NKX1-1: variants seen among roughly 807,000 people sequenced by gnomAD.
NKX1-1 encodes NK1 homeobox 1.
A neutral mutation model predicts 1.7 loss-of-function variants in NKX1-1; 7 were observed. The observed-to-expected ratio is 4.22, with a 90% CI of 2.40 to 7.92. The LOEUF (loss-of-function observed/expected upper bound fraction) is 7.92. Among genes scored for constraint, NKX1-1 ranks in the 30% most tolerant of loss-of-function variants. NKX1-1 has a pLI of 0.00. For synonymous variants in NKX1-1, 242 were observed against 85.3 expected, an observed-to-expected ratio of 2.84 and a Z score of -10.13; for missense variants, 453 against 171.5, an observed-to-expected ratio of 2.64 and a Z score of -9.17.
rs532356178 is a variant in NKX1-1, at chr4:1,403,786, C to A, written c.493G>T (p.Ala165Ser). The A allele has an allele frequency of 9.6e-3, 6,550 of 679,924 alleles. 47 individuals carry two copies. Among genetic ancestry groups the A allele is most frequent in the Non-Finnish European group, 0.014 (5,185 of 374,914 alleles). 42.1% of individuals were successfully genotyped at this position (679,924 alleles called of 1,614,324 possible). A position where few individuals can be genotyped will look rare whatever the true frequency, so the allele number is the denominator to read the frequency against. The change falls in exon 2 of 2, where the codon GCC (alanine) becomes TCC (serine). Residue 165 changes from alanine to serine, a missense_variant. By Grantham distance (99) the Ala-to-Ser change is moderately conservative. Transcript: ENST00000422806. Reference protein sequence around the residue: ...NAGDPFKAGEAETNDTNGYSS... With the variant: ...NAGDPFKAGESETNDTNGYSS... ...TAGCCGTTGGTGTCGTTGGTCTCGG[C>A]CTCCCCTGCCTTGAAGGGGTCGCCG...
chr4:1,405,850 G>C (rs573617758), intron 1 of NKX1-1, 130 bp downstream of exon 1: 6 of 396,540 alleles, frequency 1.5e-5, no homozygotes, highest in Non-Finnish European at 2.7e-5. Flanking sequence ...CGGACCCGGC[G>C]CTCAGCGAAC....
chr4:1,405,118 CCGACCCGG>C (rs1720727159), intron 1 of NKX1-1, among the ~76,000 whole-genome samples: 1 of 152,218 alleles, frequency 6.6e-6, no homozygotes, highest in South Asian at 2.1e-4. Context: ...TCCATCTCGG[CCGACCCGG>C]AAGAGGCCCC....
rs1443369111 is a variant in NKX1-1 at position 1,403,609 on chromosome 4, C to G, written c.670G>C (p.Gly224Arg). The G allele has an allele frequency of 6.2e-6, 3 of 484,586 alleles. No individual in the cohort carries two copies. The highest frequency in any genetic ancestry group is 1.1e-5 in the Non-Finnish European group (3 of 281,522). The allele number at this position is 484,586 out of a possible 1,614,324, so 30.0% of individuals were successfully genotyped here. A position where few individuals can be genotyped will look rare whatever the true frequency, so the allele number is the denominator to read the frequency against. ...RGGGGGLGAR[G>R]SGCQGAAETD... ...TCAGCCGCGCCCTGGCAACCCGACC[C>G]GCGGGCCCCGAGGCCGCCGCCGCCT... is the stretch of plus-strand genomic sequence containing the variant. The change falls in exon 2 of 2, where the codon GGG becomes CGG. Residue 224 changes from glycine to arginine, a missense_variant. By Grantham distance (125) the Gly-to-Arg change is moderately radical (BLOSUM62 -2). Transcript: ENST00000422806.
Position 1,403,102 on chromosome 4 carries a change from T to C in NKX1-1, c.1177A>G (p.Met393Val). 1 of 439,060 alleles carries C rather than the reference T, an allele frequency of 2.3e-6. No homozygotes were observed. The highest frequency in any genetic ancestry group is 4.0e-6 in the Non-Finnish European group (1 of 252,632). 27.2% of individuals were successfully genotyped at this position (439,060 alleles called of 1,614,324 possible). Residue 393 changes from methionine (M) to valine (V), a missense_variant, in exon 2 of 2, where the codon ATG becomes GTG. Met to Val is a conservative substitution (Grantham distance 21). Coordinates refer to ENST00000422806, the MANE Select transcript of NKX1-1 (RefSeq NM_001290079.1). The stretch of plus-strand genomic sequence containing the variant: ...CCGTGCATGCCGAGCGGGGCGCCCA[T>C]GGGCGGCGAGGGGCTGAGCGGGCTG... Reference protein sequence around the residue: ...GLSPLSPSPPMGAPLGMHGPA... With the variant: ...GLSPLSPSPPVGAPLGMHGPA...
At position 1,406,359 on chromosome 4, in the gene NKX1-1, G is replaced by T. The variant is rs1720751808; in HGVS notation, c.84C>A (p.Pro28=). The T allele has an allele frequency of 8.1e-6, 3 of 370,468 alleles. No homozygotes were observed. The highest frequency in any genetic ancestry group is 1.4e-5 in the Non-Finnish European group (3 of 209,188). The allele number at this position is 370,468 out of a possible 1,614,324, so 22.9% of individuals were successfully genotyped here. A position where few individuals can be genotyped will look rare whatever the true frequency, so the allele number is the denominator to read the frequency against. ...PPQPGSGPAP[P]APAAAAQEAM... ...CTTCCTGGGCAGCGGCGGCGGGAGC[G>T]GGCGGTGCGGGCCCCGAACCTGGCT... The change falls in exon 1 of 2, where the codon CCC becomes CCA. Residue 28 remains proline, a synonymous_variant. Coordinates refer to ENST00000422806, the MANE Select transcript of NKX1-1 (RefSeq NM_001290079.1).
chr4:1,405,116 G>C (rs997058003), intron 1 of NKX1-1, among the ~76,000 whole-genome samples: 5 of 152,196 alleles, frequency 3.3e-5, no homozygotes, highest in Admixed American at 6.5e-5. Context: ...CCTCCATCTC[G>C]GCCGACCCGG....
At position 1,403,040 on chromosome 4, in the gene NKX1-1, C is replaced by T. The variant is rs1484672574; in HGVS notation, c.1239G>A (p.Leu413=). 6 of 589,028 alleles carry T rather than the reference C, an allele frequency of 1.0e-5. No homozygotes were observed. The highest frequency in any genetic ancestry group is 3.1e-5 in the Admixed American group (1 of 32,546). The allele number at this position is 589,028 out of a possible 1,614,324, so 36.5% of individuals were successfully genotyped here. Residue 413 remains leucine, a synonymous_variant, in exon 2 of 2, where the codon CTG becomes CTA. Transcript: ENST00000422806. ...GGAACGGCAGCTGCGCGGCGCACAC[C>T]AGGCCTCCGGGGCCGTGCGCCGGGT... The part of the protein sequence containing the change: ...AGYPAHGPGG[L]VCAAQLPFLS...
intron 1 of NKX1-1, among the ~76,000 whole-genome samples, chr4:1,404,569 G>T (rs1294222302): frequency 6.6e-6 from 1 of 152,200 alleles, no homozygotes; most frequent in African/African-American, 2.4e-5. Flanking sequence ...CTAAAGGCCC[G>T]GTCGGCCGAG....
In NKX1-1 at chr4:1,406,293, A is replaced by T; in HGVS notation, c.150T>A (p.Ala50=). 2.5e-6 allele frequency: 1 copy of T among 405,154 alleles called. No individual in the cohort carries two copies. Among genetic ancestry groups the T allele is most frequent in the Non-Finnish European group, 4.3e-6 (1 of 232,280 alleles). The allele number at this position is 405,154 out of a possible 1,614,324, so 25.1% of individuals were successfully genotyped here. Residue 50 remains alanine (A), a synonymous_variant, in exon 1 of 2, where the codon GCT becomes GCA. Transcript: ENST00000422806. ...GRAELPAFPR[A]GAPPLAASDT... is the part of the protein sequence containing the mutation. ...CGCTGGCCGCGAGCGGCGGGGCTCC[A>T]GCGCGGGGAAAGGCCGGCAGCTCGG... is the stretch of plus-strand genomic sequence containing the variant.
Position 1,403,122 on chromosome 4 carries a change from G to T in NKX1-1, c.1157C>A (p.Pro386Gln). 1 of 435,434 alleles carries T rather than the reference G, an allele frequency of 2.3e-6. No individual in the cohort carries two copies. Among genetic ancestry groups the T allele is most frequent in the East Asian group, 3.7e-5 (1 of 27,122 alleles). The allele number at this position is 435,434 out of a possible 1,614,324, so 27.0% of individuals were successfully genotyped here. A position where few individuals can be genotyped will look rare whatever the true frequency, so the allele number is the denominator to read the frequency against. The change falls in exon 2 of 2, where the codon CCG (proline) becomes CAG (glutamine). Residue 386 changes from proline to glutamine, a missense_variant. Pro to Gln is a moderately conservative substitution (Grantham distance 76). Transcript: ENST00000422806. ...PGTGLPGGLS[P>Q]LSPSPPMGAP... Reference sequence around the variant, plus strand: ...GCCCATGGGCGGCGAGGGGCTGAGCGGGCTGAGGCCGCCGGGCAGCCCCGT... The same window carrying T: ...GCCCATGGGCGGCGAGGGGCTGAGCTGGCTGAGGCCGCCGGGCAGCCCCGT...
chr4:1,403,256 C>A lies in NKX1-1; in HGVS notation c.1023G>T (p.Lys341Asn), dbSNP rs1439954966. The A allele has an allele frequency of 1.4e-6, 1 of 737,336 alleles. No homozygotes were observed. 45.7% of individuals were successfully genotyped at this position (737,336 alleles called of 1,614,324 possible). A position where few individuals can be genotyped will look rare whatever the true frequency, so the allele number is the denominator to read the frequency against. The change falls in exon 2 of 2, where the codon AAG (lysine) becomes AAT (asparagine). Residue 341 changes from lysine to asparagine, a missense_variant. By Grantham distance (94) the Lys-to-Asn change is moderately conservative (BLOSUM62 0). Transcript: ENST00000422806. ...LSLSLTETQVKIWFQNRRTKW... is the reference protein window; with the variant it reads ...LSLSLTETQVNIWFQNRRTKW... ...TGGTTCGGCGGTTCTGGAACCAGATCTTCACCTGCGTCTCGGTGAGGCTGA... is the reference window on the plus strand; with the variant it reads ...TGGTTCGGCGGTTCTGGAACCAGATATTCACCTGCGTCTCGGTGAGGCTGA...
rs1720753058 is a variant in NKX1-1, at chr4:1,406,404, G to A, written c.39C>T (p.Pro13=). 5.7e-6 allele frequency: 2 copies of A among 350,694 alleles called. No individual in the cohort carries two copies. Among genetic ancestry groups the A allele is most frequent in the East Asian group, 4.3e-5 (1 of 23,272 alleles). The allele number at this position is 350,694 out of a possible 1,614,324, so 21.7% of individuals were successfully genotyped here. The part of the protein sequence containing the change: ...ASGPEAPGDI[P]ALPPPPQPGS... ...CTGGCTGGGGAGGCGGCGGTAGCGCGGGAATGTCCCCAGGAGCCTCGGGGC... is the reference window on the plus strand; with the variant it reads ...CTGGCTGGGGAGGCGGCGGTAGCGCAGGAATGTCCCCAGGAGCCTCGGGGC... Residue 13 remains proline (P), a synonymous_variant, in exon 1 of 2, where the codon CCC becomes CCT. Coordinates refer to ENST00000422806, the MANE Select transcript of NKX1-1 (RefSeq NM_001290079.1).
rs1270737228 is a variant in NKX1-1 at position 1,406,085 on chromosome 4, C to T, written c.358G>A (p.Ala120Thr). The part of the protein sequence containing the change: ...ACAPCASAPC[A>T]PAPAASGRPP... ...CGTCCCGAGGCGGCGGGTGCAGGGG[C>T]GCATGGGGCCGAAGCGCAAGGGGCG... Residue 120 changes from alanine (A) to threonine (T), a missense_variant, in exon 1 of 2, where the codon GCC becomes ACC. Coordinates refer to ENST00000422806, the MANE Select transcript of NKX1-1 (RefSeq NM_001290079.1). The T allele has an allele frequency of 1.3e-5, 7 of 534,876 alleles. No homozygotes were observed. The highest frequency in any genetic ancestry group is 2.3e-5 in the Non-Finnish European group (7 of 304,610). The allele number at this position is 534,876 out of a possible 1,614,324, so 33.1% of individuals were successfully genotyped here.
In NKX1-1 at chr4:1,403,271, G is replaced by A. The variant is rs753203581; in HGVS notation, c.1008C>T (p.Thr336=). 45 of 736,150 alleles carry A rather than the reference G, an allele frequency of 6.1e-5. No individual in the cohort carries two copies. The highest frequency in any genetic ancestry group is 9.3e-5 in the Non-Finnish European group (37 of 397,700). 45.6% of individuals were successfully genotyped at this position (736,150 alleles called of 1,614,324 possible). Residue 336 remains threonine (T), a synonymous_variant, in exon 2 of 2, where the codon ACC becomes ACT. Transcript: ENST00000422806. ...GGAACCAGATCTTCACCTGCGTCTC[G>A]GTGAGGCTGAGCGACAGCGCCAGGT... The part of the protein sequence containing the change: ...RLNLALSLSL[T]ETQVKIWFQN...
At chr4:1,405,619 C>T (rs1243255731) in intron 1 of NKX1-1, among the ~76,000 whole-genome samples, 9 of 135,850 alleles carry the variant, frequency 6.6e-5, no homozygotes, top group African/African-American at 2.4e-4. Flanking sequence ...AGGCCTCGGG[C>T]GGGCACAGTG....
In NKX1-1 at chr4:1,405,118, C is replaced by T. The variant is rs572594203; in HGVS notation, c.463+862G>A. On this transcript the variant is annotated intron_variant, in intron 1 of 1. Transcript: ENST00000422806. ...CGGATTTGTTCGCCCTCCATCTCGGCCGACCCGGAAGAGGCCCCGCGCAGG... is the reference window on the plus strand; with the variant it reads ...CGGATTTGTTCGCCCTCCATCTCGGTCGACCCGGAAGAGGCCCCGCGCAGG... 7.2e-5 allele frequency among the ~76,000 whole-genome samples: 11 copies of T among 152,332 alleles called. No homozygotes were observed. The South Asian group carries it at 2.3e-3, about 32-fold the overall frequency.
At chr4:1,405,194 T>TCCGC (rs1720728540) in intron 1 of NKX1-1, among the ~76,000 whole-genome samples, 1 of 152,042 alleles carries the variant, frequency 6.6e-6, no homozygotes, top group Non-Finnish European at 1.5e-5. Context: ...CCCAGCCCGG[T>TCCGC]CCGCCCCGCG....
At position 1,405,944 on chromosome 4, in the gene NKX1-1, GT is replaced by G. The variant is rs1577018798; in HGVS notation, c.463+35del. The G allele has an allele frequency of 6.7e-6, 3 of 445,190 alleles. No homozygotes were observed. The East Asian group carries it at 1.1e-4, about 16-fold the overall frequency. The allele number at this position is 445,190 out of a possible 1,614,324, so 27.6% of individuals were successfully genotyped here. Reference sequence around the variant, plus strand: ...AACGCATAGAAGCCTCCGGTCCCCCGTCCCTGCGACCTGGTGCCGGGCGCAT... The same window carrying G: ...AACGCATAGAAGCCTCCGGTCCCCCGCCCTGCGACCTGGTGCCGGGCGCAT... On this transcript the variant is annotated intron_variant, in intron 1 of 1. Transcript: ENST00000422806.
In NKX1-1 at chr4:1,403,752, C is replaced by T; in HGVS notation, c.527G>A (p.Gly176Asp). 1 of 684,458 alleles carries T rather than the reference C, an allele frequency of 1.5e-6. No individual in the cohort carries two copies. Among genetic ancestry groups the T allele is most frequent in the South Asian group, 1.5e-5 (1 of 66,394 alleles). The allele number at this position is 684,458 out of a possible 1,614,324, so 42.4% of individuals were successfully genotyped here. Residue 176 changes from glycine (G) to aspartate (D), a missense_variant, in exon 2 of 2, where the codon GGC becomes GAC. Coordinates refer to ENST00000422806, the MANE Select transcript of NKX1-1 (RefSeq NM_001290079.1). ...CGCGCTCGGGCTGTGGCCGCCGCCG[C>T]CGCTGCTGTAGCCGTTGGTGTCGTT... The part of the protein sequence containing the change: ...ETNDTNGYSS[G>D]GGGHSPSADS...
Sources: gnomAD v4.1 joint callset for allele counts (sites outside exome capture counted in the v4.1 genomes callset) on GRCh38, gnomAD v4.1.1 for gene constraint, MANE v1.5 for transcripts, NCBI Gene and HGNC (gene_info 2026-07-23, HGNC 2026-07-21) for gene names.